The following ABI3BP variants were observed in gnomAD, a reference collection of about 807,000 sequenced individuals.
ABI3BP encodes the protein target of Nesh-SH3.
ABI3BP carries 216 observed loss-of-function variants against 268.6 expected under a neutral mutation model. The observed-to-expected ratio is 0.80, with a 90% confidence interval of 0.72 to 0.90. ABI3BP has a LOEUF of 0.90. ABI3BP is among the 40% of genes least tolerant of loss of function. The pLI is 0.00. For synonymous variants in ABI3BP, 730 were observed against 730.0 expected (o/e 1.00, Z 0.00); for missense variants, 2,090 against 2,182.4 (o/e 0.96, Z 0.84).
At chr3:100,863,835 C>G in intron 12 of ABI3BP, 167 bp downstream of exon 12, 1 of 561,022 alleles carries the variant, frequency 1.8e-6, no homozygotes, top group Non-Finnish European at 3.1e-6. Context: ...AACAACCCAA[C>G]CAAACAATTT....
intron 32 of ABI3BP, among the ~76,000 whole-genome samples, chr3:100,830,110 C>CATATATATATAT (rs559297681): frequency 3.8e-4 from 17 of 44,718 alleles, no homozygotes; most frequent in Non-Finnish European, 5.2e-4. Flanking sequence ...TACATACATA[C>CATATATATATAT]ATATATATAT....
intron 20 of ABI3BP, among the ~76,000 whole-genome samples, chr3:100,845,359 G>A (rs2098754613): frequency 6.6e-6 from 1 of 152,144 alleles, no homozygotes; most frequent in African/African-American, 2.4e-5. Context: ...CATGGTCACA[G>A]TGTCAACTAT....
chr3:100,869,330 G>GGTTTTTTTTTTTTTTTTTT (rs2099085420), intron 9 of ABI3BP, among the ~76,000 whole-genome samples: 3 of 49,754 alleles, frequency 6.0e-5, no homozygotes, highest in Non-Finnish European at 6.9e-5. Flanking sequence ...CTTCTTTTTG[G>GGTTTTTTTTTTTTTTTTTT]TTTTTTTTTT....
chr3:100,853,258 C>T (rs367658820), intron 14 of ABI3BP, among the ~76,000 whole-genome samples: 2 of 152,154 alleles, frequency 1.3e-5, no homozygotes, highest in East Asian at 1.9e-4. Flanking sequence ...TAAAGATATG[C>T]ACACATTCTG....
intron 37 of ABI3BP, 138 bp from the exon 38 acceptor site, chr3:100,822,810 C>A: frequency 1.6e-6 from 1 of 607,436 alleles, no homozygotes; most frequent in Non-Finnish European, 2.9e-6. Context: ...ATGCATTCCT[C>A]CTTATAGATC....
At chr3:100,758,390 TAGTA>T (rs1393397050) in intron 63 of ABI3BP, among the ~76,000 whole-genome samples, 11 of 152,208 alleles carry the variant, frequency 7.2e-5, no homozygotes, top group Non-Finnish European at 1.2e-4. Context: ...GCTTGACACA[TAGTA>T]ATAAGTATTC....
rs60261694 is a variant in ABI3BP, at chr3:100,841,194, C to CTT, written c.1766-338_1766-337dup. On this transcript the variant is annotated intron_variant, in intron 21 of 67. Transcript: ENST00000471714. Reference sequence around the variant, plus strand: ...AATTGGCTAAGATGGCATTAGAACACTTTTTTTTTTTTTTTTTTTTTTTTT... The same window carrying CTT: ...AATTGGCTAAGATGGCATTAGAACACTTTTTTTTTTTTTTTTTTTTTTTTTTT... 8.8e-3 allele frequency among the ~76,000 whole-genome samples: 347 copies of CTT among 39,514 alleles called. 16 individuals carry two copies. Among genetic ancestry groups the CTT allele is most frequent in the African/African-American group, 0.012 (113 of 9,256 alleles). The allele number at this position is 39,514 out of a possible 152,430, so 25.9% of individuals were successfully genotyped here. A position where few individuals can be genotyped will look rare whatever the true frequency, so the allele number is the denominator to read the frequency against.
At chr3:100,824,802 C>T (rs2098336987) in intron 36 of ABI3BP, 56 bp downstream of exon 36, 2 of 1,428,128 alleles carry the variant, frequency 1.4e-6, no homozygotes, top group East Asian at 2.5e-5. Context: ...CTGCTTCAGT[C>T]CCCACTGCGA....
At chr3:100,849,224 C>CATT (rs749217432) in intron 17 of ABI3BP, among the ~76,000 whole-genome samples, 1 of 125,552 alleles carries the variant, frequency 8.0e-6, no homozygotes, top group Non-Finnish European at 1.6e-5. Flanking sequence ...TTTGGAACTA[C>CATT]TTTTTTTTTT....
At chr3:100,922,682 A>T (rs1210773417) in intron 2 of ABI3BP, among the ~76,000 whole-genome samples, 1 of 152,118 alleles carries the variant, frequency 6.6e-6, no homozygotes, top group East Asian at 1.9e-4. Context: ...GCTGGAAAAG[A>T]CATAAAACCA....
At position 100,778,371 on chromosome 3, in the gene ABI3BP, G is replaced by T. The variant is rs199686325; in HGVS notation, c.4246C>A (p.Arg1416Ser). 1 of 1,594,680 alleles carries T rather than the reference G, an allele frequency of 6.3e-7. No individual in the cohort carries two copies. The highest frequency in any genetic ancestry group is 8.5e-7 in the Non-Finnish European group (1 of 1,171,804). ...GGTCTGGGTGGCAAGGGTGGGCGGCGAGTCCCTGGGATTGTGGATAAGAGA... is the reference window on the plus strand; with the variant it reads ...GGTCTGGGTGGCAAGGGTGGGCGGCTAGTCCCTGGGATTGTGGATAAGAGA... ...STHPTKKPGT[R>S]RPPLPPRPTH... Residue 1416 changes from arginine to serine, a missense_variant, in exon 59 of 68, where the codon CGC becomes AGC. By Grantham distance (110) the Arg-to-Ser change is moderately radical (BLOSUM62 -1). Transcript: ENST00000471714.
At chr3:100,809,815 T>C (rs898105840) in intron 49 of ABI3BP, among the ~76,000 whole-genome samples, 3 of 152,158 alleles carry the variant, frequency 2.0e-5, no homozygotes, top group Non-Finnish European at 4.4e-5. Context: ...ATGTTGATTA[T>C]TTTTCAATCA....
intron 65 of ABI3BP, among the ~76,000 whole-genome samples, 179 bp downstream of exon 65, chr3:100,753,640 C>G (rs1451018520): frequency 6.6e-6 from 1 of 152,080 alleles, no homozygotes; most frequent in Non-Finnish European, 1.5e-5. Flanking sequence ...CCAACTTGTT[C>G]CCAGAACATC....
At chr3:100,811,980 G>A (rs2097870830) in intron 46 of ABI3BP, among the ~76,000 whole-genome samples, 181 bp from the exon 47 acceptor site, 2 of 152,120 alleles carry the variant, frequency 1.3e-5, no homozygotes, top group Admixed American at 6.6e-5. Context: ...AATGAAAGCA[G>A]GAAATGAAGG....
intron 51 of ABI3BP, 150 bp from the exon 52 acceptor site, chr3:100,796,618 T>C (rs1444828437): frequency 2.6e-5 from 14 of 529,454 alleles, no homozygotes; most frequent in Non-Finnish European, 4.2e-5. Context: ...ATGCCTGTTT[T>C]CTTCAAAATG....
intron 2 of ABI3BP, among the ~76,000 whole-genome samples, chr3:100,925,673 C>T (rs185245072): frequency 6.6e-6 from 1 of 152,060 alleles, no homozygotes; most frequent in Admixed American, 6.6e-5. Context: ...CTCAGCCTCC[C>T]AAAGTGCTGT....
intron 1 of ABI3BP, among the ~76,000 whole-genome samples, chr3:100,957,601 C>T (rs956951720): frequency 1.3e-5 from 2 of 152,100 alleles, no homozygotes; most frequent in African/African-American, 4.8e-5. Flanking sequence ...TCCAGGAACT[C>T]AGTCCTGGGA....
chr3:100,872,391 G>A (rs1338873635), intron 9 of ABI3BP, among the ~76,000 whole-genome samples: 1 of 152,140 alleles, frequency 6.6e-6, no homozygotes, highest in Admixed American at 6.6e-5. Context: ...ATGGTAGCAT[G>A]TAGAATTTTT....
intron 36 of ABI3BP, among the ~76,000 whole-genome samples, chr3:100,824,222 T>C (rs532716631): frequency 1.3e-5 from 2 of 152,256 alleles, no homozygotes; most frequent in South Asian, 2.1e-4. Context: ...TCATCAACAG[T>C]CGTATATGAC....
Sources: gnomAD v4.1 joint callset for allele counts (sites outside exome capture counted in the v4.1 genomes callset) on GRCh38, gnomAD v4.1.1 for gene constraint, MANE v1.5 for transcripts, NCBI Gene and HGNC (gene_info 2026-07-23, HGNC 2026-07-21) for gene names.